The following LMO7 variants were observed in gnomAD, a reference collection of about 807,000 sequenced individuals.
LMO7 encodes the protein LIM domain 7.
Under a neutral mutation model 206.5 loss-of-function variants are expected in LMO7, and 120 were observed. The ratio of observed to expected loss-of-function variants is 0.58; its 90% confidence interval spans 0.50 to 0.68. The LOEUF (loss-of-function observed/expected upper bound fraction) is 0.68. Ranked by LOEUF, LMO7 falls within the 30% of genes least tolerant of loss-of-function variation. The pLI is 0.00. For missense variants in LMO7, 1,959 were observed against 1,957.9 expected (o/e 1.00, Z -0.01); for synonymous variants, 706 against 681.5 (o/e 1.04, Z -0.56).
intron 4 of LMO7, among the ~76,000 whole-genome samples, chr13:75,784,156 T>C (rs1233941859): frequency 6.6e-6 from 1 of 152,174 alleles, no homozygotes; most frequent in African/African-American, 2.4e-5. Flanking sequence ...ACATCCACAA[T>C]GCATAGTACA....
Position 75,817,177 on chromosome 13 carries a change from G to T in LMO7, c.1963G>T (p.Asp655Tyr). The stretch of plus-strand genomic sequence containing the variant: ...TTGTTGTAGGAGTAAGTCCATGAGT[G>T]ATGTCAGCGCAGAAGATGTTCAAAA... ...YGENGSKSMS[D>Y]VSAEDVQNLR... The change falls in exon 12 of 31, where the codon GAT (aspartate) becomes TAT (tyrosine). Residue 655 changes from aspartate to tyrosine, a missense_variant. Coordinates refer to ENST00000377534, the MANE Select transcript of LMO7 (RefSeq NM_001306080.2). 1.2e-6 allele frequency: 2 copies of T among 1,612,990 alleles called. No individual in the cohort carries two copies. Among genetic ancestry groups the T allele is most frequent in the Non-Finnish European group, 1.7e-6 (2 of 1,179,068 alleles).
At chr13:75,737,644 T>A (rs1186316076) in intron 3 of LMO7, among the ~76,000 whole-genome samples, 1 of 143,238 alleles carries the variant, frequency 7.0e-6, no homozygotes, top group Non-Finnish European at 1.5e-5. Context: ...TCCCAGCTAC[T>A]CGGGAGGCTG....
In LMO7 at chr13:75,857,959, G is replaced by A. The variant is rs1263825492; in HGVS notation, c.*16G>A. 6 of 1,609,414 alleles carry A rather than the reference G, an allele frequency of 3.7e-6. No individual in the cohort carries two copies. Among genetic ancestry groups the A allele is most frequent in the Admixed American group, 3.4e-5 (2 of 59,398 alleles). On this transcript the variant is annotated 3_prime_UTR_variant, in exon 31 of 31. Coordinates refer to ENST00000377534, the MANE Select transcript of LMO7 (RefSeq NM_001306080.2). ...CGCCATGTGATGTAAGCCTCCATACGAAAGCACTGTTGCAGATAGAAGAAG... is the reference window on the plus strand; with the variant it reads ...CGCCATGTGATGTAAGCCTCCATACAAAAGCACTGTTGCAGATAGAAGAAG...
intron 3 of LMO7, among the ~76,000 whole-genome samples, chr13:75,758,690 A>G (rs915091047): frequency 6.6e-6 from 1 of 152,120 alleles, no homozygotes; most frequent in Non-Finnish European, 1.5e-5. Flanking sequence ...TTATTTATCT[A>G]TCCTTATCAA....
At chr13:75,741,034 T>G (rs559878046) in intron 3 of LMO7, among the ~76,000 whole-genome samples, 23 of 152,366 alleles carry the variant, frequency 1.5e-4, no homozygotes, top group African/African-American at 5.1e-4. Context: ...AGATATTTGA[T>G]TTTTAACTTT....
intron 26 of LMO7, among the ~76,000 whole-genome samples, chr13:75,845,966 A>G (rs12429913): frequency 0.055 from 8,364 of 152,268 alleles, 303 homozygotes; most frequent in Middle Eastern, 0.15. Context: ...GGTCATTTAC[A>G]TGAATGAATG....
intron 4 of LMO7, among the ~76,000 whole-genome samples, chr13:75,786,394 A>G (rs1336744927): frequency 7.6e-6 from 1 of 131,920 alleles, no homozygotes; most frequent in Admixed American, 7.7e-5. Context: ...TTTTTTTTTG[A>G]GATGGAGTCT....
chr13:75,678,811 C>T (rs1051433199), intron 1 of LMO7, among the ~76,000 whole-genome samples: 3 of 152,068 alleles, frequency 2.0e-5, no homozygotes, highest in Non-Finnish European at 2.9e-5. Context: ...CCATGATTAA[C>T]GTTTGTTTTA....
At chr13:75,784,973 A>T (rs558823843) in intron 4 of LMO7, among the ~76,000 whole-genome samples, 1 of 152,294 alleles carries the variant, frequency 6.6e-6, no homozygotes, top group East Asian at 1.9e-4. Context: ...TTTACTTATA[A>T]GTCTTTTAAA....
chr13:75,682,681 C>G (rs2040637988), intron 1 of LMO7, among the ~76,000 whole-genome samples: 2 of 152,046 alleles, frequency 1.3e-5, no homozygotes, highest in Non-Finnish European at 2.9e-5. Context: ...CAGAAATATC[C>G]AGTCATTATG....
chr13:75,776,242 A>G (rs958139984), intron 4 of LMO7, among the ~76,000 whole-genome samples: 15 of 131,696 alleles, frequency 1.1e-4, no homozygotes, highest in African/African-American at 4.1e-4. Context: ...TCTAAGGGCC[A>G]CAAGTCTTTT....
rs768673165 is a variant in LMO7, at chr13:75,841,952, G to A, written c.4000G>A (p.Glu1334Lys). 1 of 1,612,270 alleles carries A rather than the reference G, an allele frequency of 6.2e-7. No homozygotes were observed. Among genetic ancestry groups the A allele is most frequent in the Non-Finnish European group, 8.5e-7 (1 of 1,179,734 alleles). ...EQKRQAEIER[E>K]TSVRIYQYRR... Reference sequence around the variant, plus strand: ...GAAGCGCCAGGCAGAGATAGAGCGGGAAACATCAGTCAGAATATACCAGTA... The same window carrying A: ...GAAGCGCCAGGCAGAGATAGAGCGGAAAACATCAGTCAGAATATACCAGTA... The change falls in exon 24 of 31, where the codon GAA becomes AAA. Residue 1334 changes from glutamate (E) to lysine (K), a missense_variant. Physicochemically the swap from Glu to Lys is moderately conservative, Grantham distance 56. Coordinates refer to ENST00000377534, the MANE Select transcript of LMO7 (RefSeq NM_001306080.2).
intron 3 of LMO7, among the ~76,000 whole-genome samples, chr13:75,733,160 C>G (rs1357901101): frequency 6.6e-6 from 1 of 152,216 alleles, no homozygotes; most frequent in Admixed American, 6.5e-5. Context: ...TCAAAGCTGT[C>G]AGACAGGGAC....
intron 4 of LMO7, among the ~76,000 whole-genome samples, chr13:75,776,168 T>TATATATATATATATATATATATCGG (rs2050406449): frequency 2.1e-4 from 8 of 38,358 alleles, no homozygotes; most frequent in African/African-American, 1.0e-3. Flanking sequence ...ATCGGATATA[T>TATATATATATATATATATATATCGG]ATATATATAT....
At chr13:75,636,176 T>A, upstream of LMO7, 1 of 462,896 alleles carries the variant, frequency 2.2e-6, no homozygotes, top group Non-Finnish European at 2.8e-6. Flanking sequence ...GGCCAGACAG[T>A]CTGACCACAG....
At chr13:75,641,029 G>A (rs9593106) in intron 1 of LMO7, among the ~76,000 whole-genome samples, 2,263 of 152,270 alleles carry the variant, frequency 0.015, 54 homozygotes, top group African/African-American at 0.051. Flanking sequence ...GAAACTTGAC[G>A]GGTTTATAGA....
At chr13:75,786,604 C>T (rs570153880) in intron 4 of LMO7, among the ~76,000 whole-genome samples, 68 of 152,114 alleles carry the variant, frequency 4.5e-4, no homozygotes, top group African/African-American at 1.5e-3. Flanking sequence ...CCAGGATGGT[C>T]TTGATCTCCT....
chr13:75,689,842 C>T (rs2041311992), intron 1 of LMO7, among the ~76,000 whole-genome samples: 2 of 152,192 alleles, frequency 1.3e-5, no homozygotes, highest in Admixed American at 1.3e-4. Context: ...GGGACACGGA[C>T]TGGCTTCCTT....
At position 75,626,595 on chromosome 13, in the gene LMO7, A is replaced by ATATATATATATATATATATATTTTTTT; in HGVS notation, c.225+3276_225+3277insATATATATATATATATATATTTTTTTT. ...ATATATATTATATATATATATATAA[A>ATATATATATATATATATATATTTTTTT]TTTTTTTGAGACAGGGTCTCACTCT... On this transcript the variant is annotated intron_variant, in intron 2 of 29. Coordinates refer to the LMO7 transcript ENST00000341547. 3.4e-4 allele frequency among the ~76,000 whole-genome samples: 24 copies of ATATATATATATATATATATATTTTTTT among 71,080 alleles called. 2 individuals are homozygous for ATATATATATATATATATATATTTTTTT. The highest frequency in any genetic ancestry group is 7.4e-4 in the Admixed American group (5 of 6,766). The allele number at this position is 71,080 out of a possible 152,430, so 46.6% of individuals were successfully genotyped here.
Sources: allele counts gnomAD v4.1 joint callset (sites outside exome capture counted in the v4.1 genomes callset), GRCh38; gene constraint gnomAD v4.1.1; transcripts MANE v1.5; gene names NCBI Gene and HGNC (gene_info 2026-07-23, HGNC 2026-07-21).